Variants in BARHL1 observed in about 807,000 individuals in gnomAD.
BARHL1 encodes barH-like 1 homeobox protein.
BARHL1 carries 2 observed loss-of-function variants against 20.1 expected under a neutral mutation model. That is an observed-to-expected ratio of 0.10 (90% CI 0.04 to 0.31). BARHL1 has a LOEUF of 0.31. BARHL1 is among the 10% of genes least tolerant of loss of function. The pLI is 1.00. For synonymous variants in BARHL1, 213 were observed against 209.9 expected, an observed-to-expected ratio of 1.01 and a Z score of -0.13; for missense variants, 397 against 454.0, an observed-to-expected ratio of 0.87 and a Z score of 1.14.
chr9:132,586,399 A>C (rs1830144890), intron 1 of BARHL1, among the ~76,000 whole-genome samples: 1 of 152,260 alleles, frequency 6.6e-6, no homozygotes. Flanking sequence ...GAGGGTGAGC[A>C]TTGAGCTTGT....
In BARHL1 at chr9:132,589,513, G is replaced by A. The variant is rs986884216; in HGVS notation, c.975G>A (p.Gln325=). 3 of 1,337,248 alleles carry A rather than the reference G, an allele frequency of 2.2e-6. No individual in the cohort carries two copies. The highest frequency in any genetic ancestry group is 3.1e-5 in the African/African-American group (2 of 64,892). 82.8% of individuals were successfully genotyped at this position (1,337,248 alleles called of 1,614,324 possible). ...CCGGCGTCCTCCCACGCGCCGCGCA[G>A]CCTCGGTGAGGCGCCCGTCGGCTCC... is the stretch of plus-strand genomic sequence containing the variant. ...PLAGVLPRAA[Q]PR Residue 325 remains glutamine, a synonymous_variant, in exon 3 of 3, where the codon CAG becomes CAA. Coordinates refer to ENST00000263610, the MANE Select transcript of BARHL1 (RefSeq NM_020064.4).
In BARHL1 at chr9:132,587,015, T is replaced by A. The variant is rs916332373; in HGVS notation, c.467-314T>A. Among the ~76,000 whole-genome samples, 1 of 152,218 alleles carries A rather than the reference T, an allele frequency of 6.6e-6. No homozygotes were observed. Among genetic ancestry groups the A allele is most frequent in the African/African-American group, 2.4e-5 (1 of 41,466 alleles). ...GGTTCCATCGTCGCGGCTCCGTTTA[T>A]CCCTCCAGGGAGCGCGGGCAGAGCG... On this transcript the variant is annotated intron_variant, in intron 1 of 2. Transcript: ENST00000263610. The surrounding 1 kb of genome is among the most constrained non-coding windows in gnomAD (Gnocchi z 5.5).
At chr9:132,583,290 G>T (rs1053004172) in intron 1 of BARHL1, 27 bp downstream of exon 1, 1 of 1,571,730 alleles carries the variant, frequency 6.4e-7, no homozygotes, top group Non-Finnish European at 8.7e-7. Context: ...TGAAAACTTG[G>T]GGGGATGCTA....
At chr9:132,583,554 C>T (rs138996354) in intron 1 of BARHL1, among the ~76,000 whole-genome samples, 2 of 152,226 alleles carry the variant, frequency 1.3e-5, no homozygotes, top group African/African-American at 4.8e-5. Flanking sequence ...GACCCCTGCC[C>T]TTCCAGCAGT....
intron 1 of BARHL1, among the ~76,000 whole-genome samples, chr9:132,586,931 G>T (rs1427819603): frequency 6.6e-6 from 1 of 152,244 alleles, no homozygotes; most frequent in Non-Finnish European, 1.5e-5. Context: ...GGGCCCAGAC[G>T]CGGAGCTCAC....
Position 132,582,707 on chromosome 9 carries a change from C to T in BARHL1, c.-91C>T, listed in dbSNP as rs1564259766. The T allele has an allele frequency of 1.1e-5, 14 of 1,243,620 alleles. No homozygotes were observed. The South Asian group carries it at 1.8e-4, about 16-fold the overall frequency. 77.0% of individuals were successfully genotyped at this position (1,243,620 alleles called of 1,614,324 possible). A position where few individuals can be genotyped will look rare whatever the true frequency, so the allele number is the denominator to read the frequency against. On this transcript the variant is annotated 5_prime_UTR_variant, in exon 1 of 3. Coordinates refer to ENST00000263610, the MANE Select transcript of BARHL1 (RefSeq NM_020064.4). ...CCGCAGGCTCCCTGCCCGCCTTCCC[C>T]ATGCCAGCCCGCAGCTAGGGGCAGG...
rs1830195222 is a variant in BARHL1 at position 132,590,158 on chromosome 9, C to A, written c.*636C>A. On this transcript the variant is annotated 3_prime_UTR_variant, in exon 3 of 3. Transcript: ENST00000263610. ...GCCAAGGGGGCTTGCCCACCCACCCCGACCCCAGCCCCCAGCCTCAGCCCC... is the reference window on the plus strand; with the variant it reads ...GCCAAGGGGGCTTGCCCACCCACCCAGACCCCAGCCCCCAGCCTCAGCCCC... 17 of 151,670 alleles carry A rather than the reference C, an allele frequency of 1.1e-4. No homozygotes were observed. 9.4% of individuals were successfully genotyped at this position (151,670 alleles called of 1,614,324 possible). A position where few individuals can be genotyped will look rare whatever the true frequency, so the allele number is the denominator to read the frequency against.
chr9:132,588,865 C>T (rs1321115348), intron 2 of BARHL1, among the ~76,000 whole-genome samples: 1 of 152,042 alleles, frequency 6.6e-6, no homozygotes, highest in East Asian at 1.9e-4. Flanking sequence ...CAGGGAGGAG[C>T]ACCCCCTACC....
intron 1 of BARHL1, 33 bp downstream of exon 1, chr9:132,583,296 T>C (rs769628330): frequency 6.4e-7 from 1 of 1,554,474 alleles, no homozygotes; most frequent in South Asian, 1.2e-5. Context: ...CTTGGGGGGA[T>C]GCTATGTATC....
Position 132,582,980 on chromosome 9 carries a change from G to A in BARHL1, c.183G>A (p.Thr61=), listed in dbSNP as rs755688105. 1.9e-6 allele frequency: 3 copies of A among 1,613,724 alleles called. No individual in the cohort carries two copies. Among genetic ancestry groups the A allele is most frequent in the Non-Finnish European group, 2.5e-6 (3 of 1,179,946 alleles). ...CTCCAGGAAGGGACTGTTTGGAGAC[G>A]GGGACCCCACGGCCTGGCGGGGCAT... is the stretch of plus-strand genomic sequence containing the variant. The part of the protein sequence containing the change: ...PASPGRDCLE[T]GTPRPGGASG... The change falls in exon 1 of 3, where the codon ACG becomes ACA. Residue 61 remains threonine, a synonymous_variant. Coordinates refer to ENST00000263610, the MANE Select transcript of BARHL1 (RefSeq NM_020064.4).
At chr9:132,585,522 G>A (rs1442360730) in intron 1 of BARHL1, among the ~76,000 whole-genome samples, 2 of 152,178 alleles carry the variant, frequency 1.3e-5, no homozygotes, top group Admixed American at 6.5e-5. Context: ...GGTGGTCGGC[G>A]ACACTAGCGG....
chr9:132,582,962 A>C lies in BARHL1; in HGVS notation c.165A>C (p.Gly55=), dbSNP rs1830090947. 6.2e-7 allele frequency: 1 copy of C among 1,613,758 alleles called. No homozygotes were observed. The highest frequency in any genetic ancestry group is 8.5e-7 in the Non-Finnish European group (1 of 1,179,952). Residue 55 remains glycine (G), a synonymous_variant, in exon 1 of 3, where the codon GGA becomes GGC. Coordinates refer to ENST00000263610, the MANE Select transcript of BARHL1 (RefSeq NM_020064.4). ...SSDCSSPASP[G]RDCLETGTPR... is the part of the protein sequence containing the mutation. ...ACTGCTCTTCGCCAGCCTCTCCAGG[A>C]AGGGACTGTTTGGAGACGGGGACCC...
chr9:132,589,740 G>A lies in BARHL1; in HGVS notation c.*218G>A. On this transcript the variant is annotated 3_prime_UTR_variant, in exon 3 of 3. Coordinates refer to ENST00000263610, the MANE Select transcript of BARHL1 (RefSeq NM_020064.4). ...CCAGCCCCCCTCGGCGTCCTCTCTC[G>A]CGGCCGCTCTGTCCGGGAGCCATCC... 1 of 566,664 alleles carries A rather than the reference G, an allele frequency of 1.8e-6. No individual in the cohort carries two copies. Among genetic ancestry groups the A allele is most frequent in the Non-Finnish European group, 2.5e-6 (1 of 392,714 alleles). 35.1% of individuals were successfully genotyped at this position (566,664 alleles called of 1,614,324 possible). A position where few individuals can be genotyped will look rare whatever the true frequency, so the allele number is the denominator to read the frequency against.
chr9:132,585,264 C>T (rs939663193), intron 1 of BARHL1, among the ~76,000 whole-genome samples: 4 of 152,096 alleles, frequency 2.6e-5, no homozygotes, highest in African/African-American at 9.7e-5. Context: ...GGTCAGGCAG[C>T]GAGGCCTTGT....
chr9:132,586,228 C>T (rs1427117050), intron 1 of BARHL1, among the ~76,000 whole-genome samples: 2 of 152,234 alleles, frequency 1.3e-5, no homozygotes, highest in African/African-American at 4.8e-5. Flanking sequence ...AATCACCTTG[C>T]ATTCAGCTGA....
At chr9:132,586,565 A>G (rs1316488448) in intron 1 of BARHL1, among the ~76,000 whole-genome samples, 2 of 152,266 alleles carry the variant, frequency 1.3e-5, no homozygotes, top group South Asian at 2.1e-4. Context: ...ACGCAGGTGT[A>G]GCAGGAGCCA....
intron 1 of BARHL1, among the ~76,000 whole-genome samples, chr9:132,584,661 C>T (rs527666610): frequency 3.3e-5 from 5 of 152,336 alleles, no homozygotes; most frequent in African/African-American, 1.2e-4. Context: ...TGATTTCCCC[C>T]ACACAAATGG....
At position 132,587,383 on chromosome 9, in the gene BARHL1, G is replaced by T. The variant is rs55836017; in HGVS notation, c.521G>T (p.Arg174Leu). 5.6e-6 allele frequency: 9 copies of T among 1,611,932 alleles called. No homozygotes were observed. Among genetic ancestry groups the T allele is most frequent in the African/African-American group, 1.3e-5 (1 of 75,034 alleles). The change falls in exon 2 of 3, where the codon CGC (arginine) becomes CTC (leucine). Residue 174 changes from arginine (R) to leucine (L), a missense_variant. Around this residue, in one of 3 missense-constraint regions of BARHL1, gnomAD observed 272 missense variants for 298.7 expected, o/e 0.91. Coordinates refer to ENST00000263610, the MANE Select transcript of BARHL1 (RefSeq NM_020064.4). The surrounding 1 kb of genome is among the most constrained non-coding windows in gnomAD (Gnocchi z 5.5). ...ISSSRDSPPV[R>L]LKKPRKARTA... ...AGCTCCAGGGACAGTCCCCCGGTGC[G>T]CCTGAAAAAGCCACGCAAGGCGCGC... is the stretch of plus-strand genomic sequence containing the variant.
At chr9:132,586,414 TTAAG>T (rs1325430946) in intron 1 of BARHL1, among the ~76,000 whole-genome samples, 1 of 152,222 alleles carries the variant, frequency 6.6e-6, no homozygotes, top group Non-Finnish European at 1.5e-5. Context: ...GCTTGTTCGA[TTAAG>T]TGTTTTCTGT....
Sources: gnomAD v4.1 joint callset for allele counts (sites outside exome capture counted in the v4.1 genomes callset) on GRCh38, gnomAD v4.1.1 for gene constraint, gnomAD v4.1.1 regional missense constraint, Gnocchi (gnomAD v3.1) non-coding constraint, MANE v1.5 for transcripts, NCBI Gene and HGNC (gene_info 2026-07-23, HGNC 2026-07-21) for gene names.